TMEM61: variants seen among roughly 807,000 people sequenced by gnomAD.
TMEM61 encodes the protein transmembrane protein 61.
TMEM61 carries 13 observed loss-of-function variants against 12.0 expected under a neutral mutation model. That is an observed-to-expected ratio of 1.08 (90% CI 0.70 to 1.72). The LOEUF (loss-of-function observed/expected upper bound fraction) is 1.72. TMEM61 is among the 40% of genes most tolerant of loss of function. TMEM61 has a pLI of 0.00. For missense variants in TMEM61, 249 were observed against 276.9 expected (o/e 0.90, Z 0.71); for synonymous variants, 109 against 121.4 (o/e 0.90, Z 0.67).
intron 2 of TMEM61, 28 bp downstream of exon 2, chr1:54,986,474 T>G (rs1424206433): frequency 1.3e-6 from 2 of 1,518,326 alleles, no homozygotes; most frequent in Non-Finnish European, 1.8e-6. Flanking sequence ...TGGCAGCGGG[T>G]GGGGACTGCA....
At chr1:54,986,484 A>C (rs773953280) in intron 2 of TMEM61, 38 bp downstream of exon 2, 3 of 1,490,288 alleles carry the variant, frequency 2.0e-6, no homozygotes, top group East Asian at 2.3e-5. Context: ...TGGGGACTGC[A>C]GGTAGGGGCC....
In TMEM61 at chr1:54,980,963, T is replaced by G; in HGVS notation, c.-103T>G. The G allele has an allele frequency of 1.5e-6, 2 of 1,302,192 alleles. No individual in the cohort carries two copies. Among genetic ancestry groups the G allele is most frequent in the Non-Finnish European group, 1.0e-6 (1 of 976,658 alleles). The allele number at this position is 1,302,192 out of a possible 1,614,324, so 80.7% of individuals were successfully genotyped here. A position where few individuals can be genotyped will look rare whatever the true frequency, so the allele number is the denominator to read the frequency against. On this transcript the variant is annotated 5_prime_UTR_variant, in exon 1 of 3. Transcript: ENST00000371268. ...CCCGCGCCTCCTGCAGACCCGAGGG[T>G]CGCCGCTGGTAGGGTCGCTCAGCCC...
Position 54,992,094 on chromosome 1 carries a change from A to T in TMEM61, c.624A>T (p.Gly208=). The T allele has an allele frequency of 1.9e-6, 3 of 1,611,534 alleles. No homozygotes were observed. Among genetic ancestry groups the T allele is most frequent in the Non-Finnish European group, 2.5e-6 (3 of 1,179,652 alleles). Residue 208 remains glycine, a synonymous_variant, in exon 3 of 3, where the codon GGA becomes GGT. Transcript: ENST00000371268. ...SCSGLVQTAR[G]GS ...CAGGCCTGGTTCAGACTGCACGGGG[A>T]GGAAGTTAAAGGCTCCTAGCAGGTC...
chr1:54,988,605 G>A (rs973517062), intron 2 of TMEM61, among the ~76,000 whole-genome samples: 8 of 152,230 alleles, frequency 5.3e-5, no homozygotes, highest in African/African-American at 1.7e-4. Context: ...GGTGGTGCCC[G>A]CTGTGGGTAA....
At chr1:54,983,756 T>C (rs1297055732) in intron 1 of TMEM61, among the ~76,000 whole-genome samples, 1 of 152,120 alleles carries the variant, frequency 6.6e-6, no homozygotes, top group Admixed American at 6.5e-5. Flanking sequence ...GTGTGTTTTG[T>C]TTTTTGAATT....
chr1:54,980,964 C>T lies in TMEM61; in HGVS notation c.-102C>T. 7.6e-7 allele frequency: 1 copy of T among 1,318,504 alleles called. No homozygotes were observed. Among genetic ancestry groups the T allele is most frequent in the Non-Finnish European group, 1.0e-6 (1 of 987,978 alleles). The allele number at this position is 1,318,504 out of a possible 1,614,324, so 81.7% of individuals were successfully genotyped here. On this transcript the variant is annotated 5_prime_UTR_variant, in exon 1 of 3. Transcript: ENST00000371268. ...CCGCGCCTCCTGCAGACCCGAGGGT[C>T]GCCGCTGGTAGGGTCGCTCAGCCCT...
intron 1 of TMEM61, among the ~76,000 whole-genome samples, chr1:54,984,400 G>A (rs904964139): frequency 2.6e-5 from 4 of 152,136 alleles, no homozygotes; most frequent in African/African-American, 9.7e-5. Context: ...GCAGGCCCGG[G>A]GCAGGTGAGA....
chr1:54,984,430 C>T (rs1034839437), intron 1 of TMEM61, among the ~76,000 whole-genome samples: 1 of 152,144 alleles, frequency 6.6e-6, no homozygotes, highest in African/African-American at 2.4e-5. Flanking sequence ...CATGATACAG[C>T]TGTAGAGGGG....
chr1:54,980,925 T>G lies in TMEM61; in HGVS notation c.-141T>G, dbSNP rs1644214292. ...GGCTCGGGGGCAGCGGCCAGGCCCCTCCGCCCCTAACACCCGCGCCTCCTG... is the reference window on the plus strand; with the variant it reads ...GGCTCGGGGGCAGCGGCCAGGCCCCGCCGCCCCTAACACCCGCGCCTCCTG... On this transcript the variant is annotated 5_prime_UTR_variant, in exon 1 of 3. Transcript: ENST00000371268. 1.1e-6 allele frequency: 1 copy of G among 890,088 alleles called. No homozygotes were observed. Among genetic ancestry groups the G allele is most frequent in the Admixed American group, 3.1e-5 (1 of 31,834 alleles). The allele number at this position is 890,088 out of a possible 1,614,324, so 55.1% of individuals were successfully genotyped here.
chr1:54,983,136 AAG>A (rs1644235451), intron 1 of TMEM61, among the ~76,000 whole-genome samples: 1 of 20,998 alleles, frequency 4.8e-5, no homozygotes, highest in African/African-American at 8.0e-5. Flanking sequence ...TTTTTTGAGA[AAG>A]AGTCTCACTC....
Position 54,988,991 on chromosome 1 carries a change from A to T in TMEM61, c.365+2545A>T, listed in dbSNP as rs142638323. On this transcript the variant is annotated intron_variant, in intron 2 of 2. Coordinates refer to ENST00000371268, the MANE Select transcript of TMEM61 (RefSeq NM_182532.3). ...CTGGGGTGAAGACCTTTTCCCTATC[A>T]TCGCTGTCAGGCTCAGATGAGATGA... Among the ~76,000 whole-genome samples, 239 of 152,284 alleles carry T rather than the reference A, an allele frequency of 1.6e-3. 1 individual carries two copies. Among genetic ancestry groups the T allele is most frequent in the African/African-American group, 5.5e-3 (230 of 41,550 alleles).
chr1:54,986,753 G>A (rs57000425), intron 2 of TMEM61, among the ~76,000 whole-genome samples: 3,670 of 152,054 alleles, frequency 0.024, 145 homozygotes, highest in African/African-American at 0.082. Flanking sequence ...GCTCAGCTTG[G>A]TATGGGACAG....
chr1:54,985,897 C>T (rs1644254469), intron 1 of TMEM61, among the ~76,000 whole-genome samples, 200 bp from the exon 2 acceptor site: 1 of 152,162 alleles, frequency 6.6e-6, no homozygotes, highest in African/African-American at 2.4e-5. Context: ...GGTGCTGATA[C>T]ATGTTTACCT....
chr1:54,981,225 C>G, intron 1 of TMEM61, 145 bp downstream of exon 1: 1 of 897,382 alleles, frequency 1.1e-6, no homozygotes, highest in Non-Finnish European at 1.6e-6. Flanking sequence ...TTTTATCTTG[C>G]TGGGTGGCTT....
At chr1:54,985,219 ATGTGTG>A (rs35817239) in intron 1 of TMEM61, among the ~76,000 whole-genome samples, 55 of 150,708 alleles carry the variant, frequency 3.6e-4, no homozygotes, top group African/African-American at 9.0e-4. Context: ...GAACGTGTGT[ATGTGTG>A]TGTGTGTGTG....
intron 1 of TMEM61, among the ~76,000 whole-genome samples, chr1:54,985,219 A>ATG (rs35817239): frequency 0.011 from 1,618 of 150,704 alleles, 17 homozygotes; most frequent in African/African-American, 0.035. Flanking sequence ...GAACGTGTGT[A>ATG]TGTGTGTGTG....
chr1:54,986,177 G>A lies in TMEM61; in HGVS notation c.96G>A (p.Thr32=), dbSNP rs148773188. Residue 32 remains threonine, a synonymous_variant, in exon 2 of 3, where the codon ACG becomes ACA. Transcript: ENST00000371268. ...GCACAGTGGTTCTGGTGGCCGGGAC[G>A]CTCTGCTTCGCTTGGTGGAGCGAAG... ...VSGTVVLVAG[T]LCFAWWSEGD... 31 of 1,613,384 alleles carry A rather than the reference G, an allele frequency of 1.9e-5. No individual in the cohort carries two copies. Among genetic ancestry groups the A allele is most frequent in the Middle Eastern group, 1.6e-4 (1 of 6,082 alleles).
At chr1:54,989,093 G>A (rs1375986748) in intron 2 of TMEM61, among the ~76,000 whole-genome samples, 5 of 152,160 alleles carry the variant, frequency 3.3e-5, no homozygotes, top group East Asian at 3.9e-4. Flanking sequence ...TTTACAGTGC[G>A]CCCTCATGCC....
intron 1 of TMEM61, among the ~76,000 whole-genome samples, chr1:54,984,170 T>A (rs946319281): frequency 6.6e-6 from 1 of 152,236 alleles, no homozygotes; most frequent in African/African-American, 2.4e-5. Context: ...TCCCATGGGA[T>A]CATGCCTTTG....
Sources: allele counts gnomAD v4.1 joint callset (sites outside exome capture counted in the v4.1 genomes callset), GRCh38; gene constraint gnomAD v4.1.1; transcripts MANE v1.5; gene names NCBI Gene and HGNC (gene_info 2026-07-23, HGNC 2026-07-21).